Variants in FBXL7 observed in about 807,000 individuals in gnomAD.
FBXL7 encodes the protein F-box and leucine rich repeat protein 7.
Under a neutral mutation model 38.3 loss-of-function variants are expected in FBXL7, and 12 were observed. That is an observed-to-expected ratio of 0.31 (90% confidence interval 0.20 to 0.51). The LOEUF is 0.51. Among genes scored for constraint, FBXL7 ranks in the 20% least tolerant of loss-of-function variants. The pLI is 0.98. For synonymous variants in FBXL7, 297 were observed against 300.9 expected (o/e 0.99, Z 0.13); for missense variants, 567 against 676.4 (o/e 0.84, Z 1.79).
chr5:15,801,656 T>TGTGTGC (rs869247688), intron 2 of FBXL7, among the ~76,000 whole-genome samples: 17 of 147,024 alleles, frequency 1.2e-4, no homozygotes, highest in African/African-American at 3.4e-4. Context: ...TGTGTGTGTG[T>TGTGTGC]GCGCGCGCGC....
Position 15,809,551 on chromosome 5 carries a change from C to G in FBXL7, c.128-118339C>G, listed in dbSNP as rs139364868. ...GAGTGGACATTCAATAACTATTAGC[C>G]TTTAGTATTATCACCAGAGTCTCAA... On this transcript the variant is annotated intron_variant, in intron 2 of 3. Coordinates refer to ENST00000504595, the MANE Select transcript of FBXL7 (RefSeq NM_012304.5). 3.1e-3 allele frequency among the ~76,000 whole-genome samples: 468 copies of G among 152,118 alleles called. 3 individuals carry two copies. The highest frequency in any genetic ancestry group is 0.011 in the African/African-American group (454 of 41,502).
chr5:15,572,732 AAAG>A (rs1455869732), intron 1 of FBXL7, among the ~76,000 whole-genome samples: 1 of 152,176 alleles, frequency 6.6e-6, no homozygotes, highest in Non-Finnish European at 1.5e-5. Flanking sequence ...CAGGTTGCTT[AAAG>A]AAGGATTAGG....
At chr5:15,899,168 G>A (rs1367565143) in intron 2 of FBXL7, among the ~76,000 whole-genome samples, 1 of 152,126 alleles carries the variant, frequency 6.6e-6, no homozygotes, top group Non-Finnish European at 1.5e-5. Flanking sequence ...CTGGGTTCAA[G>A]CGATTCTTCT....
chr5:15,658,946 G>A (rs1322933979), intron 2 of FBXL7, among the ~76,000 whole-genome samples: 2 of 151,966 alleles, frequency 1.3e-5, no homozygotes, highest in Non-Finnish European at 2.9e-5. Flanking sequence ...CAATATGAGG[G>A]GTGGTTTCCT....
intron 2 of FBXL7, among the ~76,000 whole-genome samples, chr5:15,724,319 TTC>T (rs1307997191): frequency 1.3e-5 from 2 of 152,224 alleles, no homozygotes; most frequent in African/African-American, 4.8e-5. Context: ...TCTTTAATAT[TTC>T]TTTTTACTAA....
At chr5:15,733,274 G>A (rs1196837146) in intron 2 of FBXL7, among the ~76,000 whole-genome samples, 2 of 152,016 alleles carry the variant, frequency 1.3e-5, no homozygotes, top group African/African-American at 4.8e-5. Flanking sequence ...TGTATTTTTA[G>A]TAGAGACGGG....
At chr5:15,884,415 T>A (rs1178996349) in intron 2 of FBXL7, among the ~76,000 whole-genome samples, 1 of 152,030 alleles carries the variant, frequency 6.6e-6, no homozygotes. Flanking sequence ...TACAGGTACC[T>A]GCTACCACGC....
At chr5:15,647,083 C>T (rs893464615) in intron 2 of FBXL7, among the ~76,000 whole-genome samples, 12 of 152,148 alleles carry the variant, frequency 7.9e-5, no homozygotes, top group Admixed American at 7.9e-4. Context: ...ATTTGGTTAA[C>T]TTTAGGAAGA....
At position 15,931,431 on chromosome 5, in the gene FBXL7, C is replaced by G. The variant is rs78277838; in HGVS notation, c.739+2930C>G. On this transcript the variant is annotated intron_variant, in intron 3 of 3. Transcript: ENST00000504595. ...CCTACCCAACCAGTAGAGTCCTGTT[C>G]AGGTGACTCTACTTCCCCAGTACCT... is the stretch of plus-strand genomic sequence containing the variant. Among the ~76,000 whole-genome samples the G allele has an allele frequency of 1.4e-3, 214 of 152,262 alleles. 2 individuals carry two copies. Among genetic ancestry groups the G allele is most frequent in the African/African-American group, 4.9e-3 (204 of 41,550 alleles).
chr5:15,896,989 C>T (rs961618725), intron 2 of FBXL7, among the ~76,000 whole-genome samples: 1 of 152,054 alleles, frequency 6.6e-6, no homozygotes, highest in African/African-American at 2.4e-5. Flanking sequence ...TAAAAATTAG[C>T]AAGGCGTGGT....
intron 2 of FBXL7, among the ~76,000 whole-genome samples, chr5:15,844,771 A>C (rs1357059873): frequency 6.6e-6 from 1 of 152,262 alleles, no homozygotes; most frequent in East Asian, 1.9e-4. Flanking sequence ...AAGCCAAGGC[A>C]GGTGTGCTTG....
intron 2 of FBXL7, among the ~76,000 whole-genome samples, chr5:15,772,391 A>C (rs1736751755): frequency 6.6e-6 from 1 of 152,200 alleles, no homozygotes; most frequent in African/African-American, 2.4e-5. Flanking sequence ...AAATTCAATA[A>C]AAATCCTCCT....
intron 2 of FBXL7, among the ~76,000 whole-genome samples, chr5:15,704,469 A>G (rs1034287598): frequency 1.3e-5 from 2 of 152,198 alleles, no homozygotes; most frequent in Non-Finnish European, 2.9e-5. Flanking sequence ...ATTCAGGTAG[A>G]ACTTTACCAT....
At chr5:15,924,447 C>T (rs1253133404) in intron 2 of FBXL7, among the ~76,000 whole-genome samples, 2 of 151,418 alleles carry the variant, frequency 1.3e-5, no homozygotes, top group African/African-American at 2.4e-5. Context: ...TGTCCATCAT[C>T]TGTTGCGACA....
intron 2 of FBXL7, among the ~76,000 whole-genome samples, chr5:15,773,484 ATTT>A (rs936619616): frequency 6.7e-6 from 1 of 148,450 alleles, no homozygotes; most frequent in Non-Finnish European, 1.5e-5. Flanking sequence ...TCTCTACTAA[ATTT>A]TTTTTTTTAA....
At chr5:15,723,311 TGAATACTA>T (rs920309799) in intron 2 of FBXL7, among the ~76,000 whole-genome samples, 1 of 152,224 alleles carries the variant, frequency 6.6e-6, no homozygotes, top group African/African-American at 2.4e-5. Flanking sequence ...TAATAACTTT[TGAATACTA>T]GAAGAGTACT....
chr5:15,896,251 C>T (rs1453708068), intron 2 of FBXL7, among the ~76,000 whole-genome samples: 3 of 152,106 alleles, frequency 2.0e-5, no homozygotes, highest in Non-Finnish European at 4.4e-5. Context: ...GTCTCGAACT[C>T]CTGACCTCAA....
At chr5:15,626,544 C>CTGTGTGTGTGTGTGTG (rs71603784) in intron 2 of FBXL7, among the ~76,000 whole-genome samples, 4,670 of 148,258 alleles carry the variant, frequency 0.031, 74 homozygotes, top group South Asian at 0.053. Flanking sequence ...AATTCGTTTC[C>CTGTGTGTGTGTGTGTG]TGTGTGTGTG....
chr5:15,635,312 A>G (rs1741145310), intron 2 of FBXL7, among the ~76,000 whole-genome samples: 1 of 152,180 alleles, frequency 6.6e-6, no homozygotes, highest in Non-Finnish European at 1.5e-5. Flanking sequence ...CAGAGACTCC[A>G]GCAGGATGGT....
Sources: gnomAD v4.1 joint callset for allele counts (sites outside exome capture counted in the v4.1 genomes callset) on GRCh38, gnomAD v4.1.1 for gene constraint, MANE v1.5 for transcripts, NCBI Gene and HGNC (gene_info 2026-07-23, HGNC 2026-07-21) for gene names.